ARID2: variants seen among roughly 807,000 people sequenced by gnomAD.
ARID2 encodes AT-rich interactive domain-containing protein 2.
Under a neutral mutation model 184.6 loss-of-function variants are expected in ARID2, and 32 were observed. The observed-to-expected ratio is 0.17, with a 90% CI of 0.13 to 0.23. ARID2 has a LOEUF of 0.23. Among genes scored for constraint, ARID2 ranks in the 10% least tolerant of loss-of-function variants. The pLI is 1.00. For missense variants in ARID2, 1,696 were observed against 2,197.6 expected (o/e 0.77, Z 4.56); for synonymous variants, 836 against 772.6 (o/e 1.08, Z -1.36).
chr12:45,789,188 C>A (rs1015181467), intron 3 of ARID2: 5 of 152,156 alleles, frequency 3.3e-5, no homozygotes, highest in African/African-American at 1.2e-4. Flanking sequence ...ATAATGACAA[C>A]CAGTGATGCC....
chr12:45,754,559 A>T (rs1941526552), intron 3 of ARID2, among the ~76,000 whole-genome samples: 2 of 152,018 alleles, frequency 1.3e-5, no homozygotes, highest in South Asian at 4.1e-4. Flanking sequence ...TCCTTTTTTC[A>T]TTGCCTGACA....
At chr12:45,842,019 A>T (rs1943350202) in intron 11 of ARID2, 1 of 149,930 alleles carries the variant, frequency 6.7e-6, no homozygotes, top group Non-Finnish European at 1.5e-5. Context: ...GCACTTTGGG[A>T]GGCTGAGGCA....
At chr12:45,898,937 T>C (rs1944405121) in intron 20 of ARID2, among the ~76,000 whole-genome samples, 1 of 151,408 alleles carries the variant, frequency 6.6e-6, no homozygotes, top group Non-Finnish European at 1.5e-5. Flanking sequence ...GATTGTATAG[T>C]GTGTGAATTA....
chr12:45,831,025 A>G (rs1225769801), intron 6 of ARID2, among the ~76,000 whole-genome samples: 2 of 151,586 alleles, frequency 1.3e-5, no homozygotes, highest in Non-Finnish European at 2.9e-5. Flanking sequence ...GCCACTAGTG[A>G]CAGAACGAGA....
At chr12:45,812,111 G>A (rs1942720817) in intron 4 of ARID2, among the ~76,000 whole-genome samples, 1 of 151,710 alleles carries the variant, frequency 6.6e-6, no homozygotes, top group Admixed American at 6.6e-5. Flanking sequence ...ACGGGCTCCA[G>A]TTTTCAGTGG....
chr12:45,812,128 A>AG (rs1406472498), intron 4 of ARID2, among the ~76,000 whole-genome samples: 3 of 151,852 alleles, frequency 2.0e-5, no homozygotes, highest in Non-Finnish European at 4.4e-5. Context: ...GTGGCTCTGG[A>AG]GGTCAGGACT....
At chr12:45,732,051 G>A (rs1183514229) in intron 3 of ARID2, among the ~76,000 whole-genome samples, 1 of 149,888 alleles carries the variant, frequency 6.7e-6, no homozygotes, top group Admixed American at 6.6e-5. Context: ...CAGTCTAGAT[G>A]ATATATTTTG....
At chr12:45,811,658 G>A in intron 4 of ARID2, 107 bp downstream of exon 4, 1 of 1,190,460 alleles carries the variant, frequency 8.4e-7, no homozygotes, top group East Asian at 2.7e-5. Context: ...GAACACTTAA[G>A]GCCTTAAGGT....
chr12:45,850,248 A>G lies in ARID2; in HGVS notation c.2125A>G (p.Ile709Val), dbSNP rs781709469. The change falls in exon 15 of 21, where the codon ATT (isoleucine) becomes GTT (valine). Residue 709 changes from isoleucine (I) to valine (V), a missense_variant. Ile to Val is a conservative substitution (Grantham distance 29, BLOSUM62 3). This residue lies in a region of ARID2 where 713 missense variants were observed against 824.4 expected (regional missense o/e 0.86). Transcript: ENST00000334344. ...GACTGTCATTCAAAGTAAAGCTCCAATTCCTTGTGAAGTTGTTAAGGCTAC... is the reference window on the plus strand; with the variant it reads ...GACTGTCATTCAAAGTAAAGCTCCAGTTCCTTGTGAAGTTGTTAAGGCTAC... ...PVTVIQSKAP[I>V]PCEVVKATVI... 2.5e-6 allele frequency: 4 copies of G among 1,614,008 alleles called. No homozygotes were observed. Among genetic ancestry groups the G allele is most frequent in the East Asian group, 2.2e-5 (1 of 44,894 alleles).
intron 6 of ARID2, among the ~76,000 whole-genome samples, chr12:45,833,060 T>C (rs1943151133): frequency 6.6e-6 from 1 of 152,250 alleles, no homozygotes; most frequent in Non-Finnish European, 1.5e-5. Context: ...TTAGACCTTT[T>C]TTGTTTTCTG....
At chr12:45,744,889 A>T (rs754164841) in intron 3 of ARID2, among the ~76,000 whole-genome samples, 1 of 152,184 alleles carries the variant, frequency 6.6e-6, no homozygotes, top group South Asian at 2.1e-4. Context: ...TAATTTGGTT[A>T]TTGAAAAAAT....
intron 16 of ARID2, among the ~76,000 whole-genome samples, chr12:45,874,526 A>T (rs1943979788): frequency 6.6e-6 from 1 of 152,204 alleles, no homozygotes; most frequent in Non-Finnish European, 1.5e-5. Flanking sequence ...TTCAAATTTT[A>T]TCATAAGATT....
At chr12:45,879,240 C>T (rs548168206) in intron 16 of ARID2, among the ~76,000 whole-genome samples, 8 of 152,076 alleles carry the variant, frequency 5.3e-5, no homozygotes, top group South Asian at 2.1e-4. Flanking sequence ...AGAGAGGGCC[C>T]GTGTTTTCTA....
intron 3 of ARID2, among the ~76,000 whole-genome samples, chr12:45,738,076 T>C (rs1941165113): frequency 6.6e-6 from 1 of 152,140 alleles, no homozygotes; most frequent in Non-Finnish European, 1.5e-5. Flanking sequence ...TTTACATATA[T>C]GTATGGTTTT....
intron 15 of ARID2, 115 bp downstream of exon 15, chr12:45,853,011 A>G (rs1943585356): frequency 4.3e-6 from 6 of 1,396,206 alleles, no homozygotes; most frequent in Admixed American, 3.2e-5. Context: ...GTATCAGCTC[A>G]CTTGTATCCA....
At chr12:45,856,444 G>C (rs772016585) in intron 15 of ARID2, among the ~76,000 whole-genome samples, 1 of 152,134 alleles carries the variant, frequency 6.6e-6, no homozygotes, top group Non-Finnish European at 1.5e-5. Context: ...TGAATTGGTA[G>C]CTTAAAGGAG....
intron 3 of ARID2, among the ~76,000 whole-genome samples, chr12:45,780,443 T>C (rs1467087118): frequency 6.6e-6 from 1 of 152,146 alleles, no homozygotes; most frequent in African/African-American, 2.4e-5. Flanking sequence ...CTGCTTTTTT[T>C]CATTTGGGAA....
Position 45,850,824 on chromosome 12 carries a change from C to T in ARID2, c.2701C>T (p.Leu901Phe), listed in dbSNP as rs750439799. Residue 901 changes from leucine (L) to phenylalanine (F), a missense_variant, in exon 15 of 21, where the codon CTC becomes TTC. Transcript: ENST00000334344. ...VGFQNIAPKP[L>F]PSQQVSSTVV... is the part of the protein sequence containing the mutation. Reference sequence around the variant, plus strand: ...GTTTCAGAACATTGCACCAAAACCTCTCCCTTCTCAGCAAGTTTCATCTAC... The same window carrying T: ...GTTTCAGAACATTGCACCAAAACCTTTCCCTTCTCAGCAAGTTTCATCTAC... The T allele has an allele frequency of 6.2e-7, 1 of 1,614,132 alleles. No individual in the cohort carries two copies. The highest frequency in any genetic ancestry group is 1.1e-5 in the South Asian group (1 of 91,080).
intron 3 of ARID2, among the ~76,000 whole-genome samples, chr12:45,797,370 G>A (rs1233622053): frequency 6.6e-6 from 1 of 152,144 alleles, no homozygotes; most frequent in African/African-American, 2.4e-5. Context: ...GAGTAGCTGA[G>A]ATTACAGGTG....
Sources: allele counts gnomAD v4.1 joint callset (sites outside exome capture counted in the v4.1 genomes callset), GRCh38; gene constraint gnomAD v4.1.1; regional missense constraint gnomAD v4.1.1; transcripts MANE v1.5; gene names NCBI Gene and HGNC (gene_info 2026-07-23, HGNC 2026-07-21).